The following CNOT11 variants were observed in gnomAD, a reference collection of about 807,000 sequenced individuals.
The protein encoded by CNOT11 is UPF0760 protein C2orf29.
Under a neutral mutation model 44.6 loss-of-function variants are expected in CNOT11, and 18 were observed. The ratio of observed to expected loss-of-function variants is 0.40; its 90% CI spans 0.28 to 0.60. The LOEUF (loss-of-function observed/expected upper bound fraction) is 0.60, where lower values mean the gene tolerates loss of function less well. CNOT11 is among the 20% of genes least tolerant of loss of function. The pLI is 0.38. For missense variants in CNOT11, 513 were observed against 677.0 expected, an observed-to-expected ratio of 0.76 and a Z score of 2.69; for synonymous variants, 291 against 270.9, an observed-to-expected ratio of 1.07 and a Z score of -0.73.
In CNOT11 at chr2:101,257,927, C is replaced by T. The variant is rs752100539; in HGVS notation, c.651C>T (p.Asp217=). 2 of 1,613,648 alleles carry T rather than the reference C, an allele frequency of 1.2e-6. No individual in the cohort carries two copies. Among genetic ancestry groups the T allele is most frequent in the East Asian group, 4.5e-5 (2 of 44,880 alleles). ...MDVGNMGQSV[D]ISGLQLALAE... Reference sequence around the variant, plus strand: ...TTGGAAACATGGGCCAGTCTGTGGACATTAGTGGGCTTCAGTTAGCCTTGG... The same window carrying T: ...TTGGAAACATGGGCCAGTCTGTGGATATTAGTGGGCTTCAGTTAGCCTTGG... Residue 217 remains aspartate (D), a synonymous_variant, in exon 2 of 7, where the codon GAC becomes GAT. Transcript: ENST00000289382.
At position 101,265,044 on chromosome 2, in the gene CNOT11, A is replaced by T. The variant is rs753713835; in HGVS notation, c.1032A>T (p.Thr344=). The change falls in exon 4 of 7, where the codon ACA becomes ACT. Residue 344 remains threonine, a synonymous_variant. Coordinates refer to ENST00000289382, the MANE Select transcript of CNOT11 (RefSeq NM_017546.5). ...GCCCCTTATCCTCTCCCCAACAAAC[A>T]CAGGTGTGTATTGATTGTAAGCATT... The part of the protein sequence containing the change: ...FKSPLSSPQQ[T]QLLGELEKDP... 1 of 1,600,256 alleles carries T rather than the reference A, an allele frequency of 6.2e-7. No individual in the cohort carries two copies. The highest frequency in any genetic ancestry group is 1.1e-5 in the South Asian group (1 of 90,654).
rs548323956 is a variant in CNOT11 at position 101,256,815 on chromosome 2, G to A, written c.515-976G>A. Among the ~76,000 whole-genome samples, 6 of 152,316 alleles carry A rather than the reference G, an allele frequency of 3.9e-5. No homozygotes were observed. In the South Asian group the frequency reaches 1.0e-3, roughly 26 times the overall value. On this transcript the variant is annotated intron_variant, in intron 1 of 6. Coordinates refer to ENST00000289382, the MANE Select transcript of CNOT11 (RefSeq NM_017546.5). ...TGTAATCCCAGCACTTTGGGAGGCC[G>A]AGGTGGGTGGATCTCGAGGTCAGGA...
chr2:101,255,053 A>G (rs1681708252), intron 1 of CNOT11, among the ~76,000 whole-genome samples: 1 of 152,244 alleles, frequency 6.6e-6, no homozygotes, highest in Non-Finnish European at 1.5e-5. Flanking sequence ...CGCATTATAC[A>G]CACAGATTTG....
Position 101,269,614 on chromosome 2 carries a change from G to T in CNOT11, c.*201G>T. ...AGAACTAGGGAAAACATGTCTTTTA[G>T]GTGTCTTGCTGATGACTATCCATAG... On this transcript the variant is annotated 3_prime_UTR_variant, in exon 7 of 7. Transcript: ENST00000289382. This position sits in a 1 kb window ranked among gnomAD's most constrained non-coding sequence, Gnocchi z 4.8. 2.1e-6 allele frequency: 1 copy of T among 466,562 alleles called. No homozygotes were observed. Among genetic ancestry groups the T allele is most frequent in the Non-Finnish European group, 3.8e-6 (1 of 265,954 alleles). The allele number at this position is 466,562 out of a possible 1,614,324, so 28.9% of individuals were successfully genotyped here.
At chr2:101,262,470 C>G (rs2104366524) in intron 2 of CNOT11, 69 bp from the exon 3 acceptor site, 1 of 1,433,522 alleles carries the variant, frequency 7.0e-7, no homozygotes, top group East Asian at 2.3e-5. Context: ...GATAGCTTGC[C>G]TCAGTTGGTA....
In CNOT11 at chr2:101,253,204, C is replaced by T. The variant is rs1320912328; in HGVS notation, c.240C>T (p.Gly80=). 2.5e-6 allele frequency: 4 copies of T among 1,601,672 alleles called. No homozygotes were observed. The South Asian group carries it at 4.5e-5, about 18-fold the overall frequency. Residue 80 remains glycine, a synonymous_variant, in exon 1 of 7, where the codon GGC becomes GGT. Coordinates refer to ENST00000289382, the MANE Select transcript of CNOT11 (RefSeq NM_017546.5). This position sits in a 1 kb window ranked among gnomAD's most constrained non-coding sequence, Gnocchi z 4.3. ...TGAGCATCATATCGGAGGAGGCGGG[C>T]GGCGGCAGCACCTTCGAGGGCCTGT... ...SLLSIISEEA[G]GGSTFEGLST...
In CNOT11 at chr2:101,252,954, G is replaced by T; in HGVS notation, c.-11G>T. On this transcript the variant is annotated 5_prime_UTR_variant, in exon 1 of 7. Coordinates refer to ENST00000289382, the MANE Select transcript of CNOT11 (RefSeq NM_017546.5). The stretch of plus-strand genomic sequence containing the variant: ...CCTCGGGCCGGGAAGAGGGGAAGGG[G>T]AGCGAGGTTGATGCCCGGCGGAGGG... The T allele has an allele frequency of 6.9e-7, 1 of 1,459,634 alleles. No homozygotes were observed. Among genetic ancestry groups the T allele is most frequent in the South Asian group, 1.4e-5 (1 of 73,812 alleles). 90.4% of individuals were successfully genotyped at this position (1,459,634 alleles called of 1,614,324 possible).
rs761468511 is a variant in CNOT11, at chr2:101,269,190, T to G, written c.1336-26T>G. 1.2e-6 allele frequency: 2 copies of G among 1,606,116 alleles called. No homozygotes were observed. The highest frequency in any genetic ancestry group is 3.4e-5 in the Admixed American group (2 of 59,036). ...ATGGCTGCCAGGAAAATGAGCAGAC[T>G]AACATTTTTTTTTTTCCTTTTTCAG... On this transcript the variant is annotated intron_variant, in intron 6 of 6. Coordinates refer to ENST00000289382, the MANE Select transcript of CNOT11 (RefSeq NM_017546.5). The surrounding 1 kb of genome is among the most constrained non-coding windows in gnomAD (Gnocchi z 4.8).
Position 101,252,962 on chromosome 2 carries a change from T to C in CNOT11, c.-3T>C. On this transcript the variant is annotated 5_prime_UTR_variant, in exon 1 of 7. Transcript: ENST00000289382. ...CGGGAAGAGGGGAAGGGGAGCGAGG[T>C]TGATGCCCGGCGGAGGGGCGAGCGC... is the stretch of plus-strand genomic sequence containing the variant. 1 of 1,469,786 alleles carries C rather than the reference T, an allele frequency of 6.8e-7. No homozygotes were observed. The highest frequency in any genetic ancestry group is 8.9e-7 in the Non-Finnish European group (1 of 1,118,926). 91.0% of individuals were successfully genotyped at this position (1,469,786 alleles called of 1,614,324 possible). A position where few individuals can be genotyped will look rare whatever the true frequency, so the allele number is the denominator to read the frequency against.
Position 101,269,306 on chromosome 2 carries a change from G to C in CNOT11, c.1426G>C (p.Ala476Pro), listed in dbSNP as rs1358832323. 1 of 1,613,684 alleles carries C rather than the reference G, an allele frequency of 6.2e-7. No homozygotes were observed. The highest frequency in any genetic ancestry group is 1.7e-5 in the Admixed American group (1 of 59,990). ...ACAGGATTTGTTTATAGAAGTGCAG[G>C]CATTCTGTATTGAATTCAGTAGGAT... ...NVQDLFIEVQ[A>P]FCIEFSRIRE... The change falls in exon 7 of 7, where the codon GCA becomes CCA. Residue 476 changes from alanine (A) to proline (P), a missense_variant. This residue lies in a region of CNOT11 where 87 missense variants were observed against 185.4 expected (regional missense o/e 0.47). Coordinates refer to ENST00000289382, the MANE Select transcript of CNOT11 (RefSeq NM_017546.5). This position sits in a 1 kb window ranked among gnomAD's most constrained non-coding sequence, Gnocchi z 4.8.
intron 5 of CNOT11, among the ~76,000 whole-genome samples, chr2:101,268,059 G>T (rs888565633): frequency 3.3e-5 from 5 of 152,378 alleles, no homozygotes; most frequent in African/African-American, 1.2e-4. Context: ...GGGAGTGGAA[G>T]TACGTGCATA....
rs751996410 is a variant in CNOT11 at position 101,253,464 on chromosome 2, G to A, written c.500G>A (p.Arg167His). Reference protein sequence around the residue: ...PPARGGQEPDRPPLSGFLPPI... With the variant: ...PPARGGQEPDHPPLSGFLPPI... ...GCCCGCGGCGGCCAGGAACCCGACCGCCCTCCGCTCTCAGGTACCTCCTGA... is the reference window on the plus strand; with the variant it reads ...GCCCGCGGCGGCCAGGAACCCGACCACCCTCCGCTCTCAGGTACCTCCTGA... The change falls in exon 1 of 7, where the codon CGC becomes CAC. Residue 167 changes from arginine (R) to histidine (H), a missense_variant. Physicochemically the swap from Arg to His is conservative, Grantham distance 29. This residue lies in a region of CNOT11 where 259 missense variants were observed against 265.7 expected (regional missense o/e 0.97). Transcript: ENST00000289382. This position sits in a 1 kb window ranked among gnomAD's most constrained non-coding sequence, Gnocchi z 4.3. The A allele has an allele frequency of 6.7e-7, 1 of 1,490,706 alleles. No homozygotes were observed. The highest frequency in any genetic ancestry group is 8.8e-7 in the Non-Finnish European group (1 of 1,130,554). 92.3% of individuals were successfully genotyped at this position (1,490,706 alleles called of 1,614,324 possible).
At position 101,264,904 on chromosome 2, in the gene CNOT11, C is replaced by T. The variant is rs751691142; in HGVS notation, c.892C>T (p.Leu298Phe). ...PPPLHICEDE[L>F]AWLNPTEPDH... is the part of the protein sequence containing the mutation. ...TCCACTCCACATTTGTGAGGATGAACTTGCTTGGCTAAACCCCACGGAGCC... is the reference window on the plus strand; with the variant it reads ...TCCACTCCACATTTGTGAGGATGAATTTGCTTGGCTAAACCCCACGGAGCC... Residue 298 changes from leucine to phenylalanine, a missense_variant, in exon 4 of 7, where the codon CTT (leucine) becomes TTT (phenylalanine). This residue lies in a region of CNOT11 where 140 missense variants were observed against 169.8 expected (regional missense o/e 0.82). Transcript: ENST00000289382. The T allele has an allele frequency of 6.2e-6, 10 of 1,614,002 alleles. No individual in the cohort carries two copies. In the East Asian group the frequency reaches 2.2e-4, roughly 36 times the overall value.
chr2:101,264,754 A>T, intron 3 of CNOT11, 91 bp from the exon 4 acceptor site: 1 of 1,011,510 alleles, frequency 9.9e-7, no homozygotes, highest in Non-Finnish European at 1.5e-6. Flanking sequence ...TTATTAAGAG[A>T]TTTCTTTGCA....
intron 4 of CNOT11, among the ~76,000 whole-genome samples, chr2:101,266,202 G>T (rs1276085910): frequency 6.6e-6 from 1 of 152,180 alleles, no homozygotes; most frequent in African/African-American, 2.4e-5. Context: ...CAGCTGTCCG[G>T]ATTCCCGCTC....
intron 1 of CNOT11, among the ~76,000 whole-genome samples, chr2:101,255,047 T>C (rs959661928): frequency 1.3e-5 from 2 of 152,298 alleles, no homozygotes; most frequent in South Asian, 2.1e-4. Flanking sequence ...GTAGACCGCA[T>C]TATACACACA....
At chr2:101,266,572 G>A (rs1029266785) in intron 4 of CNOT11, 105 bp from the exon 5 acceptor site, 7 of 824,976 alleles carry the variant, frequency 8.5e-6, no homozygotes, top group East Asian at 7.4e-5. Context: ...AGATAGTTTT[G>A]TAGCTTTTTG....
intron 2 of CNOT11, among the ~76,000 whole-genome samples, chr2:101,258,584 G>A (rs1681785466): frequency 6.6e-6 from 1 of 151,748 alleles, no homozygotes; most frequent in Non-Finnish European, 1.5e-5. Flanking sequence ...CTTACTATTT[G>A]TTAAAATGTC....
At chr2:101,258,990 C>T (rs577704022) in intron 2 of CNOT11, among the ~76,000 whole-genome samples, 31 of 151,776 alleles carry the variant, frequency 2.0e-4, no homozygotes, top group Admixed American at 1.1e-3. Context: ...AAAACTTAGC[C>T]GGGCGTGGTG....
Sources: allele counts gnomAD v4.1 joint callset (sites outside exome capture counted in the v4.1 genomes callset), GRCh38; gene constraint gnomAD v4.1.1; regional missense constraint gnomAD v4.1.1; non-coding constraint Gnocchi (gnomAD v3.1); transcripts MANE v1.5; gene names NCBI Gene and HGNC (gene_info 2026-07-23, HGNC 2026-07-21).